COX7B2: variants seen among roughly 807,000 people sequenced by gnomAD.
The protein encoded by COX7B2 is cytochrome c oxidase subunit 7B2.
For missense variants in COX7B2, 109 were observed against 95.9 expected (o/e 1.14, Z -0.57); for synonymous variants, 37 against 32.1 (o/e 1.15, Z -0.51).
chr4:46,799,535 T>C (rs2109617789), intron 2 of COX7B2, among the ~76,000 whole-genome samples: 2 of 152,334 alleles, frequency 1.3e-5, no homozygotes, highest in South Asian at 4.1e-4. Flanking sequence ...GTTTCTTCAA[T>C]AACTAGTTTG....
chr4:46,867,101 A>G, intron 1 of COX7B2, among the ~76,000 whole-genome samples: 1 of 152,158 alleles, frequency 6.6e-6, no homozygotes, highest in Non-Finnish European at 1.5e-5. Context: ...ATTCCATTTA[A>G]AGACAATGTT....
intron 1 of COX7B2, among the ~76,000 whole-genome samples, chr4:46,896,120 T>C (rs1024138494): frequency 6.6e-6 from 1 of 152,178 alleles, no homozygotes; most frequent in Admixed American, 6.6e-5. Flanking sequence ...GGCCTCTTGT[T>C]ATATAGCTGA....
intron 2 of COX7B2, among the ~76,000 whole-genome samples, chr4:46,820,401 C>G (rs75097988): frequency 0.011 from 1,675 of 152,250 alleles, 20 homozygotes; most frequent in Middle Eastern, 0.041. Flanking sequence ...ATAGATGAAG[C>G]CTCACTCACT....
At chr4:46,839,635 C>T (rs550908575) in intron 2 of COX7B2, among the ~76,000 whole-genome samples, 76 of 152,134 alleles carry the variant, frequency 5.0e-4, no homozygotes, top group Middle Eastern at 3.4e-3. Flanking sequence ...TTTAGGGCAT[C>T]CTGATCAAAA....
chr4:46,822,860 C>A (rs892936941), intron 2 of COX7B2, among the ~76,000 whole-genome samples: 2 of 152,084 alleles, frequency 1.3e-5, no homozygotes, highest in African/African-American at 4.8e-5. Context: ...CTAGAAAGAA[C>A]TTCAGTTTTA....
intron 2 of COX7B2, among the ~76,000 whole-genome samples, chr4:46,741,716 C>T (rs1714722119): frequency 6.6e-6 from 1 of 152,042 alleles, no homozygotes; most frequent in African/African-American, 2.4e-5. Flanking sequence ...TGCTTACCCC[C>T]TATAAAATAA....
rs139640969 is a variant in COX7B2, at chr4:46,812,100, A to G, written c.-50+32860T>C. On this transcript the variant is annotated intron_variant, in intron 2 of 2. Transcript: ENST00000355591. ...ATATAGTGCAGCACTATAATATAAT[A>G]CAGTATATAATACAGTAGCACTGGA... is the stretch of plus-strand genomic sequence containing the variant. Among the ~76,000 whole-genome samples, 383 of 152,254 alleles carry G rather than the reference A, an allele frequency of 2.5e-3. 1 individual carries two copies. The highest frequency in any genetic ancestry group is 9.0e-3 in the African/African-American group (373 of 41,514).
intron 2 of COX7B2, among the ~76,000 whole-genome samples, chr4:46,814,780 A>G (rs564603681): frequency 6.6e-6 from 1 of 152,340 alleles, no homozygotes; most frequent in Admixed American, 6.5e-5. Context: ...GATCATTTAC[A>G]GTAGTCATTT....
At chr4:46,816,017 A>G (rs1172696623) in intron 2 of COX7B2, among the ~76,000 whole-genome samples, 1 of 152,158 alleles carries the variant, frequency 6.6e-6, no homozygotes, top group African/African-American at 2.4e-5. Flanking sequence ...ACTATTATGG[A>G]TATGTAGGCC....
At chr4:46,819,203 G>A (rs1334426946) in intron 2 of COX7B2, among the ~76,000 whole-genome samples, 2 of 152,072 alleles carry the variant, frequency 1.3e-5, no homozygotes, top group African/African-American at 4.8e-5. Context: ...TAAAATGAGG[G>A]TAAATTTGAT....
At chr4:46,766,828 T>C (rs565693806) in intron 2 of COX7B2, among the ~76,000 whole-genome samples, 503 of 152,080 alleles carry the variant, frequency 3.3e-3, no homozygotes, top group Non-Finnish European at 5.8e-3. Flanking sequence ...GTAAGCTCCA[T>C]AGTAACCACA....
At chr4:46,774,307 C>G (rs1432116611) in intron 2 of COX7B2, among the ~76,000 whole-genome samples, 1 of 152,088 alleles carries the variant, frequency 6.6e-6, no homozygotes, top group African/African-American at 2.4e-5. Flanking sequence ...CTATCAACGG[C>G]TACTTTCAAT....
At chr4:46,802,356 C>T (rs1018702664) in intron 2 of COX7B2, among the ~76,000 whole-genome samples, 18 of 152,102 alleles carry the variant, frequency 1.2e-4, no homozygotes, top group African/African-American at 4.3e-4. Flanking sequence ...TGTTAAACAT[C>T]CTGGAAGGTC....
intron 2 of COX7B2, among the ~76,000 whole-genome samples, chr4:46,804,336 C>T (rs140637994): frequency 1.9e-3 from 284 of 152,314 alleles, no homozygotes; most frequent in Non-Finnish European, 3.4e-3. Flanking sequence ...CCACTGCTGG[C>T]TCTGGCAGCC....
At chr4:46,873,775 C>G (rs1402855644) in intron 1 of COX7B2, among the ~76,000 whole-genome samples, 2 of 152,060 alleles carry the variant, frequency 1.3e-5, no homozygotes, top group East Asian at 3.9e-4. Flanking sequence ...CACCTGTTAA[C>G]TCAACATTTA....
intron 2 of COX7B2, among the ~76,000 whole-genome samples, chr4:46,799,804 G>A (rs1186077914): frequency 6.6e-6 from 1 of 152,038 alleles, no homozygotes; most frequent in Non-Finnish European, 1.5e-5. Flanking sequence ...AAATTGTCCT[G>A]AAGTTTTATT....
intron 2 of COX7B2, among the ~76,000 whole-genome samples, chr4:46,819,645 G>A (rs910209034): frequency 6.6e-5 from 10 of 152,072 alleles, no homozygotes; most frequent in Non-Finnish European, 2.9e-5. Context: ...GGCCACATGT[G>A]GCCTACAGGC....
At chr4:46,825,129 A>C (rs571869016) in intron 2 of COX7B2, among the ~76,000 whole-genome samples, 62 of 151,842 alleles carry the variant, frequency 4.1e-4, no homozygotes, top group African/African-American at 1.4e-3. Flanking sequence ...AGATCTAAAA[A>C]CCCCCCAGTC....
intron 1 of COX7B2, among the ~76,000 whole-genome samples, chr4:46,857,657 C>G (rs1386492303): frequency 6.6e-6 from 1 of 152,120 alleles, no homozygotes; most frequent in Admixed American, 6.5e-5. Flanking sequence ...TGGAACATTT[C>G]AACATATTTA....
Sources: allele counts gnomAD v4.1 joint callset (sites outside exome capture counted in the v4.1 genomes callset), GRCh38; gene constraint gnomAD v4.1.1; transcripts MANE v1.5; gene names NCBI Gene and HGNC (gene_info 2026-07-23, HGNC 2026-07-21).